The following SPAG9 variants were observed in gnomAD, a reference collection of about 807,000 sequenced individuals.
The protein encoded by SPAG9 is sperm associated antigen 9, also known as C-Jun-amino-terminal kinase-interacting protein 4.
In SPAG9, 35 loss-of-function variants were observed where a neutral mutation model predicts 166.5. The observed-to-expected ratio is 0.21, with a 90% confidence interval of 0.16 to 0.28. The LOEUF (loss-of-function observed/expected upper bound fraction) is 0.28, where lower values mean the gene tolerates loss of function less well. Ranked by LOEUF, SPAG9 falls within the 10% of genes least tolerant of loss-of-function variation. The pLI is 1.00. For missense variants in SPAG9, 1,235 were observed against 1,603.3 expected, an observed-to-expected ratio of 0.77 and a Z score of 3.92; for synonymous variants, 534 against 565.5, an observed-to-expected ratio of 0.94 and a Z score of 0.79.
At chr17:51,094,401 A>C (rs748618257) in intron 1 of SPAG9, among the ~76,000 whole-genome samples, 9 of 152,258 alleles carry the variant, frequency 5.9e-5, no homozygotes, top group Admixed American at 1.3e-4. Flanking sequence ...CTCAGAGACC[A>C]AAGAAAAGTC....
rs114388769 is a variant in SPAG9 at position 51,092,287 on chromosome 17, A to G, written c.304-12583T>C. ...AAGTCCAAAATGTGGAAAATTTTTT[A>G]ACACAAATGATTTGGTTTCTTCTAC... On this transcript the variant is annotated intron_variant, in intron 1 of 29. Coordinates refer to ENST00000262013, the MANE Select transcript of SPAG9 (RefSeq NM_001130528.3). Among the ~76,000 whole-genome samples, 1,331 of 152,220 alleles carry G rather than the reference A, an allele frequency of 8.7e-3. 14 individuals are homozygous for G. The highest frequency in any genetic ancestry group is 0.03 in the African/African-American group (1,247 of 41,562).
intron 5 of SPAG9, among the ~76,000 whole-genome samples, chr17:51,034,569 A>G (rs370756755): frequency 6.6e-6 from 1 of 152,228 alleles, no homozygotes; most frequent in East Asian, 1.9e-4. Flanking sequence ...AGGTTCGCAT[A>G]GCCCACAGAA....
At chr17:50,978,270 A>T (rs982790899) in intron 26 of SPAG9, among the ~76,000 whole-genome samples, 1 of 152,236 alleles carries the variant, frequency 6.6e-6, no homozygotes, top group Non-Finnish European at 1.5e-5. Context: ...CATTCAGCCT[A>T]ACCTAGGAAC....
chr17:51,019,261 T>C (rs1351951344), intron 8 of SPAG9, among the ~76,000 whole-genome samples: 3 of 152,166 alleles, frequency 2.0e-5, no homozygotes, highest in Non-Finnish European at 4.4e-5. Flanking sequence ...AATTAATTTC[T>C]GTTCTTTATA....
intron 3 of SPAG9, among the ~76,000 whole-genome samples, chr17:51,050,767 C>T (rs1414227476): frequency 2.0e-5 from 3 of 149,942 alleles, no homozygotes; most frequent in Non-Finnish European, 4.4e-5. Flanking sequence ...TGTTGTTAGA[C>T]AGAAAAGAGA....
At chr17:51,096,659 A>C (rs1267897378) in intron 1 of SPAG9, among the ~76,000 whole-genome samples, 1 of 152,190 alleles carries the variant, frequency 6.6e-6, no homozygotes, top group African/African-American at 2.4e-5. Flanking sequence ...TGTGGTAATG[A>C]AGAATGGATA....
intron 1 of SPAG9, among the ~76,000 whole-genome samples, chr17:51,098,855 A>C (rs2048717671): frequency 6.6e-6 from 1 of 151,772 alleles, no homozygotes; most frequent in Non-Finnish European, 1.5e-5. Flanking sequence ...TAATCCCAGC[A>C]ATTTGGGAGG....
intron 9 of SPAG9, among the ~76,000 whole-genome samples, chr17:51,011,307 A>C (rs1377624408): frequency 1.3e-5 from 2 of 151,904 alleles, no homozygotes; most frequent in African/African-American, 2.4e-5. Flanking sequence ...AAAAAAAAAA[A>C]CAGTAATTGA....
intron 1 of SPAG9, among the ~76,000 whole-genome samples, chr17:51,091,508 TTG>T (rs2048464898): frequency 1.4e-4 from 22 of 151,890 alleles, no homozygotes; most frequent in Admixed American, 9.2e-4. Context: ...GTTGTTGTTG[TTG>T]TTTGCATATT....
At chr17:51,099,433 CAAAAAAAA>C (rs34069450) in intron 1 of SPAG9, among the ~76,000 whole-genome samples, 1 of 75,536 alleles carries the variant, frequency 1.3e-5, no homozygotes, top group African/African-American at 5.9e-5. Flanking sequence ...AACTCTGTCT[CAAAAAAAA>C]AAAAAAAAAA....
At chr17:51,025,742 A>C (rs1305194419) in intron 6 of SPAG9, among the ~76,000 whole-genome samples, 5 of 152,148 alleles carry the variant, frequency 3.3e-5, no homozygotes, top group Non-Finnish European at 2.9e-5. Context: ...AATGCCAAAA[A>C]TTAGCCCAGC....
intron 2 of SPAG9, among the ~76,000 whole-genome samples, chr17:51,072,917 T>C (rs1052401091): frequency 1.3e-5 from 2 of 152,184 alleles, no homozygotes; most frequent in African/African-American, 2.4e-5. Flanking sequence ...TTAGGCTGTG[T>C]ACAGTGGCTA....
At chr17:51,118,471 G>A (rs932026902) in intron 1 of SPAG9, among the ~76,000 whole-genome samples, 1 of 152,100 alleles carries the variant, frequency 6.6e-6, no homozygotes, top group Non-Finnish European at 1.5e-5. Context: ...ATATTTACAC[G>A]GACTGACAGG....
At chr17:51,095,998 T>C (rs1346929800) in intron 1 of SPAG9, among the ~76,000 whole-genome samples, 2 of 125,724 alleles carry the variant, frequency 1.6e-5, no homozygotes, top group Non-Finnish European at 3.4e-5. Context: ...TAGTGATATA[T>C]ATATAGTGAT....
rs781544001 is a variant in SPAG9, at chr17:51,021,200, T to C, written c.949A>G (p.Ile317Val). 2.4e-5 allele frequency: 38 copies of C among 1,613,958 alleles called. No individual in the cohort carries two copies. Among genetic ancestry groups the C allele is most frequent in the Admixed American group, 8.3e-5 (5 of 60,004 alleles). The change falls in exon 7 of 30, where the codon ATT (isoleucine) becomes GTT (valine). Residue 317 changes from isoleucine to valine, a missense_variant. Transcript: ENST00000262013. ...APNKSEISKHIEVQVAQETRN... is the reference protein window; with the variant it reads ...APNKSEISKHVEVQVAQETRN... ...GTTTCCTGGGCTACCTGTACTTCAA[T>C]GTGTTTGCTTATCTCTGATTTATTT...
At chr17:50,974,973 A>G in intron 27 of SPAG9, 26 bp from the exon 28 acceptor site, 4 of 1,604,390 alleles carry the variant, frequency 2.5e-6, no homozygotes, top group Non-Finnish European at 3.4e-6. Flanking sequence ...CAAATACCAA[A>G]TATTTTCCCC....
At chr17:51,073,079 G>A (rs1005154000) in intron 2 of SPAG9, among the ~76,000 whole-genome samples, 3 of 151,790 alleles carry the variant, frequency 2.0e-5, no homozygotes, top group African/African-American at 2.4e-5. Context: ...TAATCCCAGC[G>A]CTTTGGGAGG....
At chr17:50,981,535 A>T (rs569676144) in intron 25 of SPAG9, among the ~76,000 whole-genome samples, 6 of 147,846 alleles carry the variant, frequency 4.1e-5, no homozygotes, top group Non-Finnish European at 9.1e-5. Flanking sequence ...GATAGAAAGA[A>T]AGAAAGAAAG....
intron 29 of SPAG9, among the ~76,000 whole-genome samples, chr17:50,969,493 C>T (rs1345564941): frequency 1.3e-5 from 2 of 152,104 alleles, no homozygotes; most frequent in African/African-American, 4.8e-5. Context: ...TCTTGAACCT[C>T]CAGTCCATCC....
Sources: gnomAD v4.1 joint callset for allele counts (sites outside exome capture counted in the v4.1 genomes callset) on GRCh38, gnomAD v4.1.1 for gene constraint, MANE v1.5 for transcripts, NCBI Gene and HGNC (gene_info 2026-07-23, HGNC 2026-07-21) for gene names.